Variants in ARHGAP18 observed in about 807,000 individuals in gnomAD.
The protein encoded by ARHGAP18 is rho GTPase-activating protein 18.
ARHGAP18 carries 67 observed loss-of-function variants against 86.2 expected under a neutral mutation model. That is an observed-to-expected ratio of 0.78 (90% CI 0.64 to 0.95). The LOEUF is 0.95. Ranked by LOEUF, ARHGAP18 falls within the 40% of genes least tolerant of loss-of-function variation. The probability of loss-of-function intolerance (pLI) is 0.00; values close to 1 mark genes in which losing one functional copy is unlikely to be tolerated. For missense variants in ARHGAP18, 691 were observed against 780.4 expected (o/e 0.89, Z 1.37); for synonymous variants, 283 against 280.4 (o/e 1.01, Z -0.09).
In ARHGAP18 at chr6:129,629,498, T is replaced by C. The variant is rs1562700715; in HGVS notation, c.641A>G (p.Glu214Gly). The change falls in exon 5 of 15, where the codon GAA (glutamate) becomes GGA (glycine). Residue 214 changes from glutamate (E) to glycine (G), a missense_variant. Transcript: ENST00000368149. Reference protein sequence around the residue: ...RDDEASNLVGEEKLIPPEETP... With the variant: ...RDDEASNLVGGEKLIPPEETP... ...CTCCTCAGGTGGGATCAGCTTCTCT[T>C]CACCAACAAGGTTAGATGCCTCGTC... is the stretch of plus-strand genomic sequence containing the variant. The C allele has an allele frequency of 6.2e-7, 1 of 1,613,316 alleles. No individual in the cohort carries two copies. Among genetic ancestry groups the C allele is most frequent in the Non-Finnish European group, 8.5e-7 (1 of 1,179,628 alleles).
In ARHGAP18 at chr6:129,611,522, C is replaced by T. The variant is rs976236464; in HGVS notation, c.1122+11G>A. 2 of 1,611,936 alleles carry T rather than the reference C, an allele frequency of 1.2e-6. No homozygotes were observed. The highest frequency in any genetic ancestry group is 1.1e-5 in the South Asian group (1 of 91,000). ...AATAAAATGTTTACATTAGTAGAACCCAGAGATTACCTTGATTCTAATGGC... is the reference window on the plus strand; with the variant it reads ...AATAAAATGTTTACATTAGTAGAACTCAGAGATTACCTTGATTCTAATGGC... On this transcript the variant is annotated intron_variant, in intron 8 of 14. Transcript: ENST00000368149.
Position 129,618,865 on chromosome 6 carries a change from T to A in ARHGAP18, c.787-13A>T, listed in dbSNP as rs1419745306. 6.2e-7 allele frequency: 1 copy of A among 1,607,962 alleles called. No individual in the cohort carries two copies. Among genetic ancestry groups the A allele is most frequent in the Non-Finnish European group, 8.5e-7 (1 of 1,177,756 alleles). ...GCAATCTGAAACTCTAAAATAAACA[T>A]CATTAATATAGTAAAAGCTTACAGT... On this transcript the variant is annotated splice_polypyrimidine_tract_variant and intron_variant, in intron 5 of 14. Transcript: ENST00000368149.
chr6:129,652,660 T>C (rs899793530), intron 1 of ARHGAP18, among the ~76,000 whole-genome samples: 4 of 152,200 alleles, frequency 2.6e-5, no homozygotes, highest in African/African-American at 9.7e-5. Flanking sequence ...CATATAAGAC[T>C]TAATATGCTT....
In ARHGAP18 at chr6:129,625,178, T is replaced by TGA. The variant is rs1442407263; in HGVS notation, c.786+4174_786+4175insTC. Among the ~76,000 whole-genome samples the TGA allele has an allele frequency of 1.9e-4, 16 of 86,094 alleles. 2 individuals are homozygous for TGA. Among genetic ancestry groups the TGA allele is most frequent in the Admixed American group, 3.7e-4 (2 of 5,456 alleles). The allele number at this position is 86,094 out of a possible 152,430, so 56.5% of individuals were successfully genotyped here. A position where few individuals can be genotyped will look rare whatever the true frequency, so the allele number is the denominator to read the frequency against. On this transcript the variant is annotated intron_variant, in intron 5 of 14. Coordinates refer to ENST00000368149, the MANE Select transcript of ARHGAP18 (RefSeq NM_033515.3). Reference sequence around the variant, plus strand: ...ATAGATATATATTATATATGATATATTATATATTATATATGATATATATTT... The same window carrying TGA: ...ATAGATATATATTATATATGATATATGATATATATTATATATGATATATATTT...
intron 5 of ARHGAP18, 49 bp from the exon 6 acceptor site, chr6:129,618,901 C>A (rs1490612088): frequency 2.0e-6 from 3 of 1,514,718 alleles, no homozygotes; most frequent in Non-Finnish European, 2.7e-6. Context: ...ACCTAACCTC[C>A]ATTGTAATGC....
At chr6:129,673,708 C>A (rs1284401386) in intron 1 of ARHGAP18, among the ~76,000 whole-genome samples, 1 of 152,092 alleles carries the variant, frequency 6.6e-6, no homozygotes, top group African/African-American at 2.4e-5. Context: ...TCAGTTAACT[C>A]TTTTTAATGG....
In ARHGAP18 at chr6:129,599,311, T is replaced by G; in HGVS notation, c.1618A>C (p.Asn540His). The change falls in exon 12 of 15, where the codon AAT becomes CAT. Residue 540 changes from asparagine to histidine, a missense_variant. Transcript: ENST00000368149. ...ATGGCTCTTTTATCCTTTTTATGAT[T>G]TTCCGTGTTTTGCTTCCTCACTTGG... ...VNQVRKQNTENHKKDKRAMKK... is the reference protein window; with the variant it reads ...VNQVRKQNTEHHKKDKRAMKK... 1 of 1,594,018 alleles carries G rather than the reference T, an allele frequency of 6.3e-7. No homozygotes were observed. Among genetic ancestry groups the G allele is most frequent in the Non-Finnish European group, 8.5e-7 (1 of 1,172,482 alleles).
At chr6:129,597,348 C>T (rs1178390996) in intron 12 of ARHGAP18, among the ~76,000 whole-genome samples, 2 of 152,044 alleles carry the variant, frequency 1.3e-5, no homozygotes, top group Non-Finnish European at 2.9e-5. Context: ...CTTGGCCAGG[C>T]TGGAGATGAG....
At chr6:129,700,099 G>A (rs1297839495) in intron 1 of ARHGAP18, among the ~76,000 whole-genome samples, 2 of 152,162 alleles carry the variant, frequency 1.3e-5, no homozygotes, top group African/African-American at 2.4e-5. Flanking sequence ...TCTGCCCCAT[G>A]AAACATCACT....
At chr6:129,613,317 C>A (rs930189216) in intron 7 of ARHGAP18, among the ~76,000 whole-genome samples, 17 of 151,894 alleles carry the variant, frequency 1.1e-4, no homozygotes, top group Admixed American at 1.1e-3. Flanking sequence ...GATAAAATCC[C>A]ATAGCAAAAA....
chr6:129,595,938 A>C (rs1222868751), intron 12 of ARHGAP18, among the ~76,000 whole-genome samples: 1 of 152,082 alleles, frequency 6.6e-6, no homozygotes, highest in Non-Finnish European at 1.5e-5. Flanking sequence ...CAATGGCTCT[A>C]ACTTCAAAAC....
At chr6:129,602,681 C>T (rs1353488179) in intron 10 of ARHGAP18, among the ~76,000 whole-genome samples, 1 of 152,016 alleles carries the variant, frequency 6.6e-6, no homozygotes, top group Non-Finnish European at 1.5e-5. Flanking sequence ...TTATATAAAA[C>T]AACATGTTCT....
At chr6:129,646,187 C>T (rs1159093828) in intron 1 of ARHGAP18, among the ~76,000 whole-genome samples, 2 of 152,162 alleles carry the variant, frequency 1.3e-5, no homozygotes, top group South Asian at 4.1e-4. Flanking sequence ...AGTCTAAGTA[C>T]CAAATGATTC....
intron 5 of ARHGAP18, among the ~76,000 whole-genome samples, chr6:129,625,616 AT>A (rs796109372): frequency 0.02 from 894 of 45,076 alleles, 101 homozygotes; most frequent in Non-Finnish European, 0.027. Flanking sequence ...ATTATTATAT[AT>A]TTATATATTA....
chr6:129,637,763 ATCT>A (rs746217392), intron 3 of ARHGAP18, among the ~76,000 whole-genome samples: 1 of 152,114 alleles, frequency 6.6e-6, no homozygotes, highest in African/African-American at 2.4e-5. Context: ...CTGTCCATAA[ATCT>A]TCTTTGACCA....
intron 1 of ARHGAP18, among the ~76,000 whole-genome samples, chr6:129,702,052 C>T (rs2114556628): frequency 6.6e-6 from 1 of 152,268 alleles, no homozygotes; most frequent in South Asian, 2.1e-4. Context: ...AACCTCATTT[C>T]CCATAAGGAA....
At chr6:129,697,661 G>A (rs1774642566) in intron 1 of ARHGAP18, among the ~76,000 whole-genome samples, 1 of 152,148 alleles carries the variant, frequency 6.6e-6, no homozygotes, top group South Asian at 2.1e-4. Flanking sequence ...TATATCCAGT[G>A]TGATGACACT....
intron 5 of ARHGAP18, among the ~76,000 whole-genome samples, chr6:129,621,308 A>G (rs1222229661): frequency 6.6e-6 from 1 of 152,192 alleles, no homozygotes; most frequent in Non-Finnish European, 1.5e-5. Flanking sequence ...AAGCAAACTC[A>G]ATTCAAAAGA....
In ARHGAP18 at chr6:129,580,136, G is replaced by A. The variant is rs775204763; in HGVS notation, c.1839-5C>T. 2.5e-6 allele frequency: 4 copies of A among 1,612,900 alleles called. No individual in the cohort carries two copies. The highest frequency in any genetic ancestry group is 2.5e-6 in the Non-Finnish European group (3 of 1,179,118). ...TTGAGAGTCTGGGCAACCCCACTAT[G>A]AGGGACAAAACAAACCGATTAGTTG... On this transcript the variant is annotated splice_region_variant and splice_polypyrimidine_tract_variant and intron_variant, in intron 13 of 14. Coordinates refer to ENST00000368149, the MANE Select transcript of ARHGAP18 (RefSeq NM_033515.3).
Sources: gnomAD v4.1 joint callset for allele counts (sites outside exome capture counted in the v4.1 genomes callset) on GRCh38, gnomAD v4.1.1 for gene constraint, MANE v1.5 for transcripts, NCBI Gene and HGNC (gene_info 2026-07-23, HGNC 2026-07-21) for gene names.